LGI3: variants seen among roughly 807,000 people sequenced by gnomAD.
LGI3 encodes the protein leucine-rich repeat LGI family member 3.
A neutral mutation model predicts 55.4 loss-of-function variants in LGI3; 47 were observed. The observed-to-expected ratio is 0.85, with a 90% CI of 0.67 to 1.08. The LOEUF is 1.08. LGI3 is among the 50% of genes least tolerant of loss of function. The pLI is 0.00. For missense variants in LGI3, 664 were observed against 726.3 expected, an observed-to-expected ratio of 0.91 and a Z score of 0.99; for synonymous variants, 326 against 315.0, an observed-to-expected ratio of 1.04 and a Z score of -0.37.
chr8:22,153,622 G>A (rs73225821), intron 5 of LGI3, among the ~76,000 whole-genome samples: 22,811 of 151,414 alleles, frequency 0.15, 1,751 homozygotes, highest in Middle Eastern at 0.2. Flanking sequence ...AGGAAGAATC[G>A]CTTGAACCTG....
chr8:22,154,216 G>A lies in LGI3; in HGVS notation c.351-3C>T. On this transcript the variant is annotated splice_region_variant and splice_polypyrimidine_tract_variant and intron_variant, in intron 3 of 7. Coordinates refer to ENST00000306317, the MANE Select transcript of LGI3 (RefSeq NM_139278.4). ...AGATGTCATTGTTCTCAATGAAGCTGGGGAAAGCGGGAACTTGCCTCAGTG... is the reference window on the plus strand; with the variant it reads ...AGATGTCATTGTTCTCAATGAAGCTAGGGAAAGCGGGAACTTGCCTCAGTG... The A allele has an allele frequency of 6.2e-7, 1 of 1,613,520 alleles. No individual in the cohort carries two copies. The highest frequency in any genetic ancestry group is 1.1e-5 in the South Asian group (1 of 91,062).
Position 22,148,828 on chromosome 8 carries a change from G to A in LGI3, c.979C>T (p.Arg327Cys), listed in dbSNP as rs780300477. The stretch of plus-strand genomic sequence containing the variant: ...AAGGCTTCTAGGTCGTTAGGCTTGC[G>A]CACGCGCTGCGGGTCAATGTCTTGC... ...RLQDIDPQRV[R>C]KPNDLEAFRI... The change falls in exon 8 of 8, where the codon CGC becomes TGC. Residue 327 changes from arginine (R) to cysteine (C), a missense_variant. Transcript: ENST00000306317. This position sits in a 1 kb window ranked among gnomAD's most constrained non-coding sequence, Gnocchi z 7.0. 13 of 1,614,036 alleles carry A rather than the reference G, an allele frequency of 8.1e-6. No individual in the cohort carries two copies. The highest frequency in any genetic ancestry group is 4.4e-5 in the South Asian group (4 of 91,092).
Position 22,148,132 on chromosome 8 carries a change from C to G in LGI3, c.*28G>C. 1 of 1,547,132 alleles carries G rather than the reference C, an allele frequency of 6.5e-7. No individual in the cohort carries two copies. The highest frequency in any genetic ancestry group is 8.7e-7 in the Non-Finnish European group (1 of 1,147,628). The stretch of plus-strand genomic sequence containing the variant: ...CCCCACCCATCCTCCAGTGGCCACC[C>G]TGAGGAGACCAGAGGCCTCGGCACC... On this transcript the variant is annotated 3_prime_UTR_variant, in exon 8 of 8. Coordinates refer to ENST00000306317, the MANE Select transcript of LGI3 (RefSeq NM_139278.4). The surrounding 1 kb of genome is among the most constrained non-coding windows in gnomAD (Gnocchi z 7.0).
At chr8:22,152,028 C>T (rs762205552) in intron 5 of LGI3, 28 bp from the exon 6 acceptor site, 1 of 1,557,538 alleles carries the variant, frequency 6.4e-7, no homozygotes, top group East Asian at 2.3e-5. Context: ...AGGAGGGGGG[C>T]ACAGAGAAAG....
intron 7 of LGI3, among the ~76,000 whole-genome samples, chr8:22,149,730 A>C (rs1484625360): frequency 6.6e-6 from 1 of 152,008 alleles, no homozygotes; most frequent in Non-Finnish European, 1.5e-5. Context: ...CCACTTTGAC[A>C]TCCCCAGTTC....
chr8:22,156,238 A>G, intron 1 of LGI3, 99 bp downstream of exon 1: 2 of 1,298,432 alleles, frequency 1.5e-6, no homozygotes, highest in Non-Finnish European at 2.2e-6. Context: ...TGGTCCCCGC[A>G]CTCTGAAGAG....
At chr8:22,153,197 G>A (rs1295813141) in intron 5 of LGI3, among the ~76,000 whole-genome samples, 1 of 149,708 alleles carries the variant, frequency 6.7e-6, no homozygotes, top group Admixed American at 6.7e-5. Context: ...TGATTCTCCT[G>A]CCTCAACCTT....
At chr8:22,153,863 A>T in intron 5 of LGI3, 105 bp downstream of exon 5, 1 of 1,196,046 alleles carries the variant, frequency 8.4e-7, no homozygotes, top group Non-Finnish European at 1.2e-6. Flanking sequence ...AAGCCTTCCC[A>T]GCCTCTCAAG....
At chr8:22,155,358 T>C in intron 2 of LGI3, 34 bp downstream of exon 2, 1 of 1,603,396 alleles carries the variant, frequency 6.2e-7, no homozygotes, top group Non-Finnish European at 8.5e-7. Context: ...CACCCCATAG[T>C]TCCCCCAACC....
rs147779495 is a variant in LGI3, at chr8:22,148,503, C to G, written c.1304G>C (p.Ser435Thr). Residue 435 changes from serine (S) to threonine (T), a missense_variant, in exon 8 of 8, where the codon AGC becomes ACC. By Grantham distance (58) the Ser-to-Thr change is moderately conservative. Coordinates refer to ENST00000306317, the MANE Select transcript of LGI3 (RefSeq NM_139278.4). The surrounding 1 kb of genome is among the most constrained non-coding windows in gnomAD (Gnocchi z 7.0). ...AATGTAGCGGCTGAGGCACAGGTAG[C>G]TGTCGCGGCCGGCACGAAAGTGTTT... ...AVKHFRAGRD[S>T]YLCLSRYIGD... is the part of the protein sequence containing the mutation. The G allele has an allele frequency of 1.1e-5, 18 of 1,613,186 alleles. No individual in the cohort carries two copies. Among genetic ancestry groups the G allele is most frequent in the Non-Finnish European group, 1.4e-5 (17 of 1,179,994 alleles).
Position 22,151,651 on chromosome 8 carries a change from A to G in LGI3, c.667T>C (p.Phe223Leu). The G allele has an allele frequency of 2.5e-6, 4 of 1,613,706 alleles. No individual in the cohort carries two copies. The highest frequency in any genetic ancestry group is 3.4e-6 in the Non-Finnish European group (4 of 1,179,822). ...AAGGCCAGGGTCTGGTACAACACAA[A>G]ATCTGCAAGATGAGAGGTGCGTTAC... ...LREFDCITTD[F>L]VLYQTLAFPA... Residue 223 changes from phenylalanine to leucine, a missense_variant and splice_region_variant, in exon 7 of 8, where the codon TTT (phenylalanine) becomes CTT (leucine). By Grantham distance (22) the Phe-to-Leu change is conservative. Coordinates refer to ENST00000306317, the MANE Select transcript of LGI3 (RefSeq NM_139278.4).
At position 22,155,461 on chromosome 8, in the gene LGI3, G is replaced by A. The variant is rs1827476253; in HGVS notation, c.209C>T (p.Thr70Ile). 2 of 1,613,648 alleles carry A rather than the reference G, an allele frequency of 1.2e-6. No individual in the cohort carries two copies. The highest frequency in any genetic ancestry group is 1.7e-6 in the Non-Finnish European group (2 of 1,179,902). Residue 70 changes from threonine to isoleucine, a missense_variant and splice_region_variant, in exon 2 of 8, where the codon ACC becomes ATC. Physicochemically the swap from Thr to Ile is moderately conservative, Grantham distance 89 (BLOSUM62 -1). Coordinates refer to ENST00000306317, the MANE Select transcript of LGI3 (RefSeq NM_139278.4). ...RNLPSEVISL[T>I]LVNAAFSEIQ... ...CTCTGAGAAGGCGGCATTCACCAGGGTCCTGCGGGGACACCCGAGTCAGTA... is the reference window on the plus strand; with the variant it reads ...CTCTGAGAAGGCGGCATTCACCAGGATCCTGCGGGGACACCCGAGTCAGTA...
intron 6 of LGI3, 72 bp downstream of exon 6, chr8:22,151,758 TG>T (rs1827381763): frequency 2.6e-6 from 4 of 1,565,364 alleles, no homozygotes; most frequent in Non-Finnish European, 2.6e-6. Context: ...TGGGGCAGGG[TG>T]GGGGGTTTCG....
intron 5 of LGI3, among the ~76,000 whole-genome samples, chr8:22,152,856 G>T (rs1214718827): frequency 6.6e-6 from 1 of 151,440 alleles, no homozygotes; most frequent in Non-Finnish European, 1.5e-5. Context: ...TTCAAGACCA[G>T]CCTGACCAAC....
chr8:22,150,560 G>T (rs373571437), intron 7 of LGI3, among the ~76,000 whole-genome samples: 25 of 151,812 alleles, frequency 1.6e-4, no homozygotes, highest in African/African-American at 6.1e-4. Flanking sequence ...GGGTTTCACC[G>T]TGTTAGCCAG....
At chr8:22,153,516 C>G (rs1453990473) in intron 5 of LGI3, among the ~76,000 whole-genome samples, 1 of 151,784 alleles carries the variant, frequency 6.6e-6, no homozygotes, top group African/African-American at 2.4e-5. Flanking sequence ...GTCTGGCCAA[C>G]ATGGTGAAAC....
chr8:22,153,432 G>A (rs1478850783), intron 5 of LGI3, among the ~76,000 whole-genome samples: 1 of 151,288 alleles, frequency 6.6e-6, no homozygotes, highest in East Asian at 2.0e-4. Context: ...GCTGAGCGCG[G>A]TGGCTCACAC....
chr8:22,151,447 C>T (rs1428031162), intron 7 of LGI3, 42 bp downstream of exon 7: 2 of 1,598,766 alleles, frequency 1.3e-6, no homozygotes, highest in South Asian at 1.1e-5. Context: ...ACTCCCCCCT[C>T]CCCCTAGCAA....
Position 22,148,806 on chromosome 8 carries a change from G to A in LGI3, c.1001C>T (p.Ala334Val). 1 of 1,614,212 alleles carries A rather than the reference G, an allele frequency of 6.2e-7. No individual in the cohort carries two copies. The highest frequency in any genetic ancestry group is 8.5e-7 in the Non-Finnish European group (1 of 1,180,038). ...GTACCAGTCACCGTCGATGCGGAAGGCTTCTAGGTCGTTAGGCTTGCGCAC... is the reference window on the plus strand; with the variant it reads ...GTACCAGTCACCGTCGATGCGGAAGACTTCTAGGTCGTTAGGCTTGCGCAC... ...QRVRKPNDLEAFRIDGDWYFA... is the reference protein window; with the variant it reads ...QRVRKPNDLEVFRIDGDWYFA... Residue 334 changes from alanine to valine, a missense_variant, in exon 8 of 8, where the codon GCC (alanine) becomes GTC (valine). Ala to Val is a moderately conservative substitution (Grantham distance 64). Transcript: ENST00000306317. This position sits in a 1 kb window ranked among gnomAD's most constrained non-coding sequence, Gnocchi z 7.0.
Sources: gnomAD v4.1 joint callset for allele counts (sites outside exome capture counted in the v4.1 genomes callset) on GRCh38, gnomAD v4.1.1 for gene constraint, Gnocchi (gnomAD v3.1) non-coding constraint, MANE v1.5 for transcripts, NCBI Gene and HGNC (gene_info 2026-07-23, HGNC 2026-07-21) for gene names.